BCO1: variants seen among roughly 807,000 people sequenced by gnomAD.
BCO1 encodes beta-carotene oxygenase 1.
Under a neutral mutation model 56.3 loss-of-function variants are expected in BCO1, and 54 were observed. That is an observed-to-expected ratio of 0.96 (90% CI 0.77 to 1.20). BCO1 has a LOEUF of 1.20. BCO1 is among the 50% of genes most tolerant of loss of function. The pLI is 0.00. For synonymous variants in BCO1, 318 were observed against 266.1 expected, an observed-to-expected ratio of 1.20 and a Z score of -1.90; for missense variants, 801 against 690.9, an observed-to-expected ratio of 1.16 and a Z score of -1.79.
intron 5 of BCO1, 76 bp downstream of exon 5, chr16:81,264,863 G>C (rs1332589925): frequency 2.7e-6 from 4 of 1,507,584 alleles, no homozygotes; most frequent in African/African-American, 1.4e-5. Context: ...GTTTTTCGTT[G>C]ATGACACAAG....
intron 1 of BCO1, among the ~76,000 whole-genome samples, chr16:81,239,670 G>A (rs990001230): frequency 5.9e-5 from 9 of 152,162 alleles, no homozygotes; most frequent in Non-Finnish European, 5.9e-5. Context: ...CATCCACCAC[G>A]CACACTTGCA....
chr16:81,273,228 C>A (rs1030468549), intron 7 of BCO1, among the ~76,000 whole-genome samples: 4 of 152,124 alleles, frequency 2.6e-5, no homozygotes, highest in Admixed American at 2.6e-4. Flanking sequence ...AGTTATCCAC[C>A]CACCTCGGCC....
At chr16:81,260,627 G>C (rs1906425425) in intron 3 of BCO1, among the ~76,000 whole-genome samples, 1 of 152,104 alleles carries the variant, frequency 6.6e-6, no homozygotes, top group African/African-American at 2.4e-5. Flanking sequence ...TCCTGCCTCA[G>C]CCTCCCAAGT....
chr16:81,252,428 A>G (rs980910903), intron 2 of BCO1, among the ~76,000 whole-genome samples: 2 of 151,904 alleles, frequency 1.3e-5, no homozygotes, highest in African/African-American at 4.8e-5. Flanking sequence ...GCTAATTTTT[A>G]TATTTTCAGT....
intron 2 of BCO1, among the ~76,000 whole-genome samples, chr16:81,249,257 G>GT (rs112038654): frequency 0.021 from 3,143 of 150,424 alleles, 102 homozygotes; most frequent in African/African-American, 0.071. Flanking sequence ...CATCTGGCTA[G>GT]TTTTTTTTTC....
At chr16:81,271,515 C>G (rs993864978) in intron 7 of BCO1, among the ~76,000 whole-genome samples, 1 of 152,180 alleles carries the variant, frequency 6.6e-6, no homozygotes, top group Admixed American at 6.5e-5. Context: ...ACCTCCAAAA[C>G]ACACCCCACA....
intron 8 of BCO1, among the ~76,000 whole-genome samples, chr16:81,282,919 C>G (rs553892477): frequency 6.6e-6 from 1 of 152,104 alleles, no homozygotes. Context: ...GATTTGTTCA[C>G]GTACATCAAG....
At position 81,248,975 on chromosome 16, in the gene BCO1, G is replaced by A. The variant is rs540584768; in HGVS notation, c.193+3372G>A. On this transcript the variant is annotated intron_variant, in intron 2 of 10. Coordinates refer to ENST00000258168, the MANE Select transcript of BCO1 (RefSeq NM_017429.3). The stretch of plus-strand genomic sequence containing the variant: ...TGTGGTGAGTTGAGATCATGCCACT[G>A]CACTCCAGCCTGGGTGACACAGTGA... Among the ~76,000 whole-genome samples, 13 of 152,182 alleles carry A rather than the reference G, an allele frequency of 8.5e-5. No individual in the cohort carries two copies. In the East Asian group the frequency reaches 2.3e-3, roughly 27 times the overall value.
rs1904971453 is a variant in BCO1, at chr16:81,238,747, G to A, written c.-162G>A. The stretch of plus-strand genomic sequence containing the variant: ...GGACAAGTGAGAGCCAGCCAAAAAG[G>A]AAAAAGCAAAGGCAGAAACGGCATC... On this transcript the variant is annotated 5_prime_UTR_variant, in exon 1 of 11. Transcript: ENST00000258168. The A allele has an allele frequency of 1.4e-6, 1 of 719,464 alleles. No homozygotes were observed. Among genetic ancestry groups the A allele is most frequent in the Non-Finnish European group, 2.5e-6 (1 of 396,404 alleles). 44.6% of individuals were successfully genotyped at this position (719,464 alleles called of 1,614,324 possible). A position where few individuals can be genotyped will look rare whatever the true frequency, so the allele number is the denominator to read the frequency against.
At chr16:81,258,134 A>G (rs8054047) in intron 2 of BCO1, among the ~76,000 whole-genome samples, 2,963 of 152,258 alleles carry the variant, frequency 0.019, 74 homozygotes, top group African/African-American at 0.067. Context: ...TCCAAAAGGA[A>G]CTAGCCCTGT....
At chr16:81,247,817 C>T (rs891513665) in intron 2 of BCO1, among the ~76,000 whole-genome samples, 10 of 152,156 alleles carry the variant, frequency 6.6e-5, no homozygotes, top group Admixed American at 2.6e-4. Context: ...TGAGCCACCA[C>T]GCCCGGCCCA....
intron 2 of BCO1, among the ~76,000 whole-genome samples, chr16:81,250,690 C>T (rs577034467): frequency 1.9e-4 from 28 of 148,756 alleles, no homozygotes; most frequent in Middle Eastern, 3.5e-3. Flanking sequence ...AAGCGATTCT[C>T]GTGCCTCGGC....
Position 81,238,758 on chromosome 16 carries a change from G to C in BCO1, c.-151G>C, listed in dbSNP as rs563745250. 22 of 743,760 alleles carry C rather than the reference G, an allele frequency of 3.0e-5. No homozygotes were observed. Among genetic ancestry groups the C allele is most frequent in the Non-Finnish European group, 9.7e-6 (4 of 414,196 alleles). The allele number at this position is 743,760 out of a possible 1,614,324, so 46.1% of individuals were successfully genotyped here. ...AGCCAGCCAAAAAGGAAAAAGCAAA[G>C]GCAGAAACGGCATCAGGAGAGACAG... is the stretch of plus-strand genomic sequence containing the variant. On this transcript the variant is annotated 5_prime_UTR_variant, in exon 1 of 11. Transcript: ENST00000258168.
Position 81,270,253 on chromosome 16 carries a change from A to G in BCO1, c.938A>G (p.Tyr313Cys), listed in dbSNP as rs1465495836. ...GTGGTCTTCCATCACGTCAACGCCT[A>G]CGAAGAGGACGGCTGCATCGTGTTT... ...AMVVFHHVNAYEEDGCIVFDV... is the reference protein window; with the variant it reads ...AMVVFHHVNACEEDGCIVFDV... Residue 313 changes from tyrosine (Y) to cysteine (C), a missense_variant, in exon 7 of 11, where the codon TAC becomes TGC. By Grantham distance (194) the Tyr-to-Cys change is radical. Transcript: ENST00000258168. 2.5e-6 allele frequency: 4 copies of G among 1,614,094 alleles called. No individual in the cohort carries two copies. The highest frequency in any genetic ancestry group is 1.3e-5 in the African/African-American group (1 of 74,930).
intron 5 of BCO1, among the ~76,000 whole-genome samples, chr16:81,265,525 C>T (rs190343966): frequency 7.4e-6 from 1 of 135,328 alleles, no homozygotes; most frequent in Admixed American, 7.8e-5. Flanking sequence ...TACCCATTCT[C>T]CCATCCATCA....
Position 81,285,642 on chromosome 16 carries a change from T to G in BCO1, c.1302+8T>G. ...AGTCCAATCCCAACCAAGGTACTGG[T>G]CTCTGTGTATTCACAAGCCTTTCCT... is the stretch of plus-strand genomic sequence containing the variant. On this transcript the variant is annotated splice_region_variant and intron_variant, in intron 9 of 10. Coordinates refer to ENST00000258168, the MANE Select transcript of BCO1 (RefSeq NM_017429.3). The G allele has an allele frequency of 1.3e-6, 2 of 1,571,228 alleles. No individual in the cohort carries two copies. Among genetic ancestry groups the G allele is most frequent in the South Asian group, 2.2e-5 (2 of 90,232 alleles).
rs1906695187 is a variant in BCO1 at position 81,264,634 on chromosome 16, T to C, written c.472-6T>C. 1 of 1,613,996 alleles carries C rather than the reference T, an allele frequency of 6.2e-7. No individual in the cohort carries two copies. Among genetic ancestry groups the C allele is most frequent in the East Asian group, 2.2e-5 (1 of 44,884 alleles). ...TTTAAAAAACAGGAGGTGTCATATC[T>C]TGCAGGTTGATTATCGTAAATACGT... On this transcript the variant is annotated splice_polypyrimidine_tract_variant and splice_region_variant and intron_variant, in intron 4 of 10. Coordinates refer to ENST00000258168, the MANE Select transcript of BCO1 (RefSeq NM_017429.3).
intron 2 of BCO1, among the ~76,000 whole-genome samples, chr16:81,248,362 C>G (rs1032903223): frequency 7.5e-6 from 1 of 133,458 alleles, no homozygotes; most frequent in Non-Finnish European, 1.5e-5. Flanking sequence ...GAGATTGCAC[C>G]ATTGCACTCC....
intron 6 of BCO1, 123 bp from the exon 7 acceptor site, chr16:81,270,036 G>T: frequency 2.4e-6 from 3 of 1,250,318 alleles, no homozygotes; most frequent in Non-Finnish European, 3.5e-6. Context: ...CACACAGAAT[G>T]CAGAATGGGG....
Sources: allele counts gnomAD v4.1 joint callset (sites outside exome capture counted in the v4.1 genomes callset), GRCh38; gene constraint gnomAD v4.1.1; transcripts MANE v1.5; gene names NCBI Gene and HGNC (gene_info 2026-07-23, HGNC 2026-07-21).